The following PAFAH1B2 variants were observed in gnomAD, a reference collection of about 807,000 sequenced individuals.
The protein encoded by PAFAH1B2 is platelet activating factor acetylhydrolase 1b catalytic subunit 2.
A neutral mutation model predicts 28.0 loss-of-function variants in PAFAH1B2; 8 were observed. The ratio of observed to expected loss-of-function variants is 0.29; its 90% CI spans 0.17 to 0.52. The LOEUF (loss-of-function observed/expected upper bound fraction) is 0.52, where lower values mean the gene tolerates loss of function less well. Ranked by LOEUF, PAFAH1B2 falls within the 20% of genes least tolerant of loss-of-function variation. PAFAH1B2 has a pLI of 0.97. For synonymous variants in PAFAH1B2, 104 were observed against 103.2 expected (o/e 1.01, Z -0.05); for missense variants, 190 against 282.6 (o/e 0.67, Z 2.35).
downstream of PAFAH1B2, among the ~76,000 whole-genome samples, chr11:117,173,784 A>G (rs1361865715): frequency 1.3e-5 from 2 of 152,240 alleles, no homozygotes; most frequent in Admixed American, 1.3e-4. Flanking sequence ...CCTTGCAGGA[A>G]GAGAGATAAC....
chr11:117,152,551 C>G, intron 2 of PAFAH1B2, 23 bp downstream of exon 2: 8 of 1,484,312 alleles, frequency 5.4e-6, no homozygotes, highest in Non-Finnish European at 7.5e-6. Flanking sequence ...GCATGTGTAT[C>G]ATTCACATGA....
chr11:117,167,014 C>T (rs144941883), intron 5 of PAFAH1B2, among the ~76,000 whole-genome samples: 1 of 152,112 alleles, frequency 6.6e-6, no homozygotes, highest in Non-Finnish European at 1.5e-5. Flanking sequence ...GTGAGACTTG[C>T]AGATGTTGGA....
chr11:117,166,154 G>A lies in PAFAH1B2; in HGVS notation c.412-1267G>A, dbSNP rs539857912. On this transcript the variant is annotated intron_variant, in intron 5 of 5. Transcript: ENST00000527958. ...CACTGCGCCAGACCAGGTCATGTAG[G>A]AATTCATATGCTGTTGGGATGTTTG... Among the ~76,000 whole-genome samples, 33 of 152,296 alleles carry A rather than the reference G, an allele frequency of 2.2e-4. No homozygotes were observed. The South Asian group carries it at 6.2e-3, about 29-fold the overall frequency.
intron 1 of PAFAH1B2, among the ~76,000 whole-genome samples, chr11:117,148,479 GT>G (rs1466560560): frequency 6.6e-6 from 1 of 152,170 alleles, no homozygotes; most frequent in Non-Finnish European, 1.5e-5. Flanking sequence ...TCATGGAGAA[GT>G]TTCCTTAGGT....
chr11:117,164,301 G>C (rs1337971775), intron 5 of PAFAH1B2, among the ~76,000 whole-genome samples: 6 of 152,090 alleles, frequency 3.9e-5, no homozygotes, highest in African/African-American at 7.2e-5. Context: ...CAGCTACTCG[G>C]GAGGCCGAGG....
At chr11:117,161,823 G>C (rs1197648882) in intron 4 of PAFAH1B2, among the ~76,000 whole-genome samples, 1 of 151,996 alleles carries the variant, frequency 6.6e-6, no homozygotes, top group Non-Finnish European at 1.5e-5. Flanking sequence ...GAAGAGATTT[G>C]ATGCTAACGA....
intron 4 of PAFAH1B2, among the ~76,000 whole-genome samples, chr11:117,162,182 A>G (rs1463689355): frequency 1.3e-5 from 2 of 152,208 alleles, no homozygotes; most frequent in Non-Finnish European, 2.9e-5. Context: ...TGCCCAAACT[A>G]GAATGCAGTG....
In PAFAH1B2 at chr11:117,161,213, T is replaced by C; in HGVS notation, c.240T>C (p.His80=). 6.3e-7 allele frequency: 1 copy of C among 1,595,228 alleles called. No individual in the cohort carries two copies. The highest frequency in any genetic ancestry group is 8.5e-7 in the Non-Finnish European group (1 of 1,175,642). The part of the protein sequence containing the change: ...NFGIGGDTTR[H]VLWRLKNGEL... ...GAATTGGGGGAGATACAACAAGACA[T>C]GTTTTGTGGAGACTAAAGAATGGAG... is the stretch of plus-strand genomic sequence containing the variant. Residue 80 remains histidine (H), a synonymous_variant, in exon 4 of 6, where the codon CAT becomes CAC. Coordinates refer to ENST00000527958, the MANE Select transcript of PAFAH1B2 (RefSeq NM_002572.4).
downstream of PAFAH1B2, among the ~76,000 whole-genome samples, chr11:117,177,217 G>A (rs1171274303): frequency 6.6e-6 from 1 of 151,750 alleles, no homozygotes; most frequent in East Asian, 1.9e-4. Flanking sequence ...TCCACCCCCC[G>A]GCAGATAAAA....
At chr11:117,162,857 G>T (rs1470641504) in intron 4 of PAFAH1B2, among the ~76,000 whole-genome samples, 1 of 151,836 alleles carries the variant, frequency 6.6e-6, no homozygotes, top group Non-Finnish European at 1.5e-5. Flanking sequence ...ACAGGTTCTT[G>T]CTGTGTCACC....
intron 2 of PAFAH1B2, 166 bp from the exon 3 acceptor site, chr11:117,159,766 GTT>G (rs1214514725): frequency 1.6e-5 from 8 of 513,352 alleles, no homozygotes; most frequent in Admixed American, 1.3e-4. Context: ...GAAAAAAGTT[GTT>G]TTTGTAGAGA....
chr11:117,149,430 G>GTTCTTTTTTTTTTTTTT (rs1555027905), intron 1 of PAFAH1B2, among the ~76,000 whole-genome samples: 1 of 86,050 alleles, frequency 1.2e-5, no homozygotes, highest in Admixed American at 1.6e-4. Context: ...TTTTCTAATC[G>GTTCTTTTTTTTTTTTTT]TTTTTTTTTT....
downstream of PAFAH1B2, among the ~76,000 whole-genome samples, chr11:117,174,682 C>CT (rs1956742004): frequency 6.6e-6 from 1 of 152,056 alleles, no homozygotes; most frequent in Admixed American, 6.5e-5. Flanking sequence ...TTCTCCATGT[C>CT]TGTCAGGCTG....
chr11:117,172,820 C>A (rs1008582899), downstream of PAFAH1B2, among the ~76,000 whole-genome samples: 8 of 152,168 alleles, frequency 5.3e-5, no homozygotes, highest in African/African-American at 1.9e-4. Context: ...TCATGTGCCT[C>A]AGCCTACTGA....
At chr11:117,148,491 C>G (rs143042368) in intron 1 of PAFAH1B2, among the ~76,000 whole-genome samples, 5 of 152,304 alleles carry the variant, frequency 3.3e-5, no homozygotes, top group African/African-American at 9.6e-5. Context: ...TTCCTTAGGT[C>G]TCTTTGAGCA....
rs1956433619 is a variant in PAFAH1B2 at position 117,163,772 on chromosome 11, CATT to C, written c.292_294del (p.Ile98del). ...CCCCCTTTTTTCTTCAATTGCAGGTCATTGTTGTCTGGGTAGGAACAAATAACC... is the reference window on the plus strand; with the variant it reads ...CCCCCTTTTTTCTTCAATTGCAGGTCGTTGTCTGGGTAGGAACAAATAACC... On this transcript the variant is annotated inframe_deletion, in exon 5 of 6. Coordinates refer to ENST00000527958, the MANE Select transcript of PAFAH1B2 (RefSeq NM_002572.4). 1.2e-6 allele frequency: 2 copies of C among 1,612,986 alleles called. No homozygotes were observed. Among genetic ancestry groups the C allele is most frequent in the Non-Finnish European group, 1.7e-6 (2 of 1,179,552 alleles).
chr11:117,153,468 AC>A (rs929400109), intron 2 of PAFAH1B2, among the ~76,000 whole-genome samples: 3 of 151,546 alleles, frequency 2.0e-5, no homozygotes, highest in African/African-American at 4.9e-5. Context: ...TGCAGCCTCC[AC>A]CCCCCTGCCA....
chr11:117,167,835 G>C lies in PAFAH1B2; in HGVS notation c.*136G>C. 1 of 1,277,180 alleles carries C rather than the reference G, an allele frequency of 7.8e-7. No homozygotes were observed. The highest frequency in any genetic ancestry group is 3.0e-5 in the East Asian group (1 of 33,170). The allele number at this position is 1,277,180 out of a possible 1,614,324, so 79.1% of individuals were successfully genotyped here. On this transcript the variant is annotated 3_prime_UTR_variant, in exon 6 of 6. Transcript: ENST00000527958. ...GATGTTCATATCTAGTGTTTGAAGG[G>C]GAGGAGGGATTTAAACTGGTCCTGT...
At chr11:117,167,227 A>G (rs1392612450) in intron 5 of PAFAH1B2, among the ~76,000 whole-genome samples, 194 bp from the exon 6 acceptor site, 1 of 152,236 alleles carries the variant, frequency 6.6e-6, no homozygotes, top group Non-Finnish European at 1.5e-5. Context: ...GTTAAGGGAC[A>G]GGAGGAAGGG....
Sources: allele counts gnomAD v4.1 joint callset (sites outside exome capture counted in the v4.1 genomes callset), GRCh38; gene constraint gnomAD v4.1.1; transcripts MANE v1.5; gene names NCBI Gene and HGNC (gene_info 2026-07-23, HGNC 2026-07-21).